Variants in SERPINI1 observed in about 807,000 individuals in gnomAD.
SERPINI1 encodes serpin family I member 1, also known as neuroserpin.
A neutral mutation model predicts 41.1 loss-of-function variants in SERPINI1; 19 were observed. The observed-to-expected ratio is 0.46, with a 90% CI of 0.32 to 0.68. The LOEUF (loss-of-function observed/expected upper bound fraction) is 0.68. Among genes scored for constraint, SERPINI1 ranks in the 30% least tolerant of loss-of-function variants. The probability of loss-of-function intolerance (pLI) is 0.03; values close to 1 mark genes in which losing one functional copy is unlikely to be tolerated. For synonymous variants in SERPINI1, 138 were observed against 156.6 expected, an observed-to-expected ratio of 0.88 and a Z score of 0.89; for missense variants, 460 against 479.2, an observed-to-expected ratio of 0.96 and a Z score of 0.37.
At chr3:167,782,668 T>C (rs1727175197) in intron 1 of SERPINI1, among the ~76,000 whole-genome samples, 1 of 152,160 alleles carries the variant, frequency 6.6e-6, no homozygotes, top group Non-Finnish European at 1.5e-5. Flanking sequence ...AAGGAAGCAG[T>C]GATATGTGCT....
intron 1 of SERPINI1, among the ~76,000 whole-genome samples, chr3:167,784,390 G>A (rs1010870616): frequency 1.3e-5 from 2 of 152,142 alleles, no homozygotes; most frequent in African/African-American, 2.4e-5. Context: ...ATAACCTCAT[G>A]GAACCTCTAT....
chr3:167,821,612 C>A (rs552245902), intron 6 of SERPINI1, among the ~76,000 whole-genome samples: 13 of 152,286 alleles, frequency 8.5e-5, no homozygotes, highest in South Asian at 2.1e-4. Flanking sequence ...GGGATCCGGG[C>A]TGGTAGCACA....
chr3:167,797,740 G>GTTTTTTTT (rs3840198), intron 5 of SERPINI1, among the ~76,000 whole-genome samples: 1 of 148,946 alleles, frequency 6.7e-6, no homozygotes, highest in Non-Finnish European at 1.5e-5. Context: ...CCTACCAAGC[G>GTTTTTTTT]TTTTTTTTTT....
At chr3:167,754,710 T>TAACCAAA (rs1183777994) in intron 1 of SERPINI1, among the ~76,000 whole-genome samples, 4 of 152,204 alleles carry the variant, frequency 2.6e-5, no homozygotes, top group African/African-American at 9.6e-5. Flanking sequence ...AACTGCATTA[T>TAACCAAA]TTGGTTATAG....
intron 1 of SERPINI1, among the ~76,000 whole-genome samples, chr3:167,777,267 A>T (rs1726992845): frequency 6.6e-6 from 1 of 152,180 alleles, no homozygotes; most frequent in Non-Finnish European, 1.5e-5. Context: ...TCCTTCTTGA[A>T]CAGTCCTCCT....
At chr3:167,819,677 G>A (rs776313092) in intron 6 of SERPINI1, among the ~76,000 whole-genome samples, 6 of 152,150 alleles carry the variant, frequency 3.9e-5, no homozygotes, top group Non-Finnish European at 7.4e-5. Context: ...CCAAAATGTT[G>A]AAAATCCTTC....
At chr3:167,807,396 T>C in intron 6 of SERPINI1, 55 bp downstream of exon 6, 13 of 1,135,906 alleles carry the variant, frequency 1.1e-5, no homozygotes, top group Non-Finnish European at 1.7e-5. Context: ...CTTTATTAAA[T>C]GATGATATTA....
chr3:167,752,403 G>C (rs895077230), intron 1 of SERPINI1, among the ~76,000 whole-genome samples: 2 of 152,126 alleles, frequency 1.3e-5, no homozygotes, highest in Non-Finnish European at 2.9e-5. Context: ...ATGAAGGACA[G>C]CTCCACCTAC....
Position 167,825,519 on chromosome 3 carries a change from A to G in SERPINI1, c.*196A>G. Reference sequence around the variant, plus strand: ...ATTAAGCTAATGGTCCTGTTATGTCATTGTGTTTGTGTGCTGTTGTTTAAA... The same window carrying G: ...ATTAAGCTAATGGTCCTGTTATGTCGTTGTGTTTGTGTGCTGTTGTTTAAA... On this transcript the variant is annotated 3_prime_UTR_variant, in exon 9 of 9. Transcript: ENST00000446050. The G allele has an allele frequency of 1.8e-6, 1 of 557,602 alleles. No individual in the cohort carries two copies. Among genetic ancestry groups the G allele is most frequent in the Non-Finnish European group, 3.2e-6 (1 of 312,032 alleles). The allele number at this position is 557,602 out of a possible 1,614,324, so 34.5% of individuals were successfully genotyped here.
intron 1 of SERPINI1, among the ~76,000 whole-genome samples, chr3:167,745,102 C>A (rs1344588503): frequency 6.6e-6 from 1 of 151,238 alleles, no homozygotes; most frequent in East Asian, 1.9e-4. Context: ...ATGAAGTGAA[C>A]AAATTGCTAG....
In SERPINI1 at chr3:167,823,088, ATCT is replaced by A. The variant is rs1304844933; in HGVS notation, c.1066+20_1066+22del. On this transcript the variant is annotated intron_variant, in intron 7 of 8. Coordinates refer to ENST00000446050, the MANE Select transcript of SERPINI1 (RefSeq NM_001122752.2). ...GCTGTCTCAGGTACTGTTTGCTAGA[ATCT>A]TCTCCCCTCTTCTAGATTTGTATTT... 1 of 1,506,360 alleles carries A rather than the reference ATCT, an allele frequency of 6.6e-7. No homozygotes were observed. Among genetic ancestry groups the A allele is most frequent in the African/African-American group, 1.4e-5 (1 of 72,774 alleles). The allele number at this position is 1,506,360 out of a possible 1,614,324, so 93.3% of individuals were successfully genotyped here.
chr3:167,822,964 A>T (rs752094123), intron 6 of SERPINI1, 22 bp from the exon 7 acceptor site: 48 of 1,451,516 alleles, frequency 3.3e-5, no homozygotes, highest in African/African-American at 2.8e-4. Context: ...AAAAAAAAAA[A>T]TTTCTGATTC....
At position 167,742,816 on chromosome 3, in the gene SERPINI1, T is replaced by G. The variant is rs1306152058; in HGVS notation, c.-19+6993T>G. 2.9e-5 allele frequency among the ~76,000 whole-genome samples: 4 copies of G among 135,716 alleles called. No homozygotes were observed. In the East Asian group the frequency reaches 8.2e-4, roughly 28 times the overall value. 89.0% of individuals were successfully genotyped at this position (135,716 alleles called of 152,430 possible). On this transcript the variant is annotated intron_variant, in intron 1 of 8. Coordinates refer to ENST00000446050, the MANE Select transcript of SERPINI1 (RefSeq NM_001122752.2). ...TCTCATTGTTATCAATTTTGTGCCG[T>G]TTTGTGTGTGTGTGTGTGTGTGTGT...
intron 1 of SERPINI1, among the ~76,000 whole-genome samples, chr3:167,772,303 A>T (rs1726783035): frequency 6.6e-6 from 1 of 152,158 alleles, no homozygotes; most frequent in African/African-American, 2.4e-5. Context: ...TATTTCTATC[A>T]TATTCCTGAA....
intron 6 of SERPINI1, among the ~76,000 whole-genome samples, chr3:167,820,133 G>A (rs554847620): frequency 2.0e-5 from 3 of 152,296 alleles, no homozygotes; most frequent in South Asian, 2.1e-4. Flanking sequence ...TTTCTTCTGA[G>A]GCCTCCCTTC....
At chr3:167,781,685 A>T (rs1577414624) in intron 1 of SERPINI1, among the ~76,000 whole-genome samples, 1 of 104,262 alleles carries the variant, frequency 9.6e-6, no homozygotes, top group Non-Finnish European at 1.8e-5. Context: ...TCCCTCAAGC[A>T]TTTTTCTCAG....
chr3:167,745,841 A>T (rs2108531663), intron 1 of SERPINI1, among the ~76,000 whole-genome samples: 1 of 152,266 alleles, frequency 6.6e-6, no homozygotes, highest in Admixed American at 6.5e-5. Flanking sequence ...CAAGGAATGA[A>T]TTTAACAAAA....
chr3:167,796,358 T>G (rs969165376), intron 5 of SERPINI1, among the ~76,000 whole-genome samples: 2 of 152,050 alleles, frequency 1.3e-5, no homozygotes, highest in Non-Finnish European at 2.9e-5. Context: ...TTTTATATTT[T>G]ATTTTATTTT....
At chr3:167,795,215 A>G (rs1727674127) in intron 5 of SERPINI1, among the ~76,000 whole-genome samples, 1 of 152,194 alleles carries the variant, frequency 6.6e-6, no homozygotes, top group African/African-American at 2.4e-5. Flanking sequence ...AAGATTGATT[A>G]TGACTGGAGA....
Sources: gnomAD v4.1 joint callset for allele counts (sites outside exome capture counted in the v4.1 genomes callset) on GRCh38, gnomAD v4.1.1 for gene constraint, MANE v1.5 for transcripts, NCBI Gene and HGNC (gene_info 2026-07-23, HGNC 2026-07-21) for gene names.